The following GLIS3 variants were observed in gnomAD, a reference collection of about 807,000 sequenced individuals.
GLIS3 encodes GLIS family zinc finger 3, also known as zinc finger protein GLIS3.
A neutral mutation model predicts 78.6 loss-of-function variants in GLIS3; 53 were observed. That is an observed-to-expected ratio of 0.67 (90% CI 0.54 to 0.85). The LOEUF (loss-of-function observed/expected upper bound fraction) is 0.85, where lower values mean the gene tolerates loss of function less well. Ranked by LOEUF, GLIS3 falls within the 40% of genes least tolerant of loss-of-function variation. The pLI is 0.00. For synonymous variants in GLIS3, 684 were observed against 509.9 expected (o/e 1.34, Z -4.60); for missense variants, 1,703 against 1,231.1 (o/e 1.38, Z -5.74).
chr9:4,310,058 C>T (rs965752425), intron 3 of GLIS3, among the ~76,000 whole-genome samples: 2 of 152,194 alleles, frequency 1.3e-5, no homozygotes, highest in Non-Finnish European at 2.9e-5. Flanking sequence ...CCTGAGGATG[C>T]CAAACCATCA....
intron 2 of GLIS3, among the ~76,000 whole-genome samples, chr9:4,186,957 C>G (rs564445988): frequency 6.6e-6 from 1 of 152,304 alleles, no homozygotes; most frequent in Non-Finnish European, 1.5e-5. Context: ...CCTGTTCACT[C>G]TGACGGTAGT....
At chr9:3,853,742 G>C (rs1203139898) in intron 9 of GLIS3, among the ~76,000 whole-genome samples, 1 of 152,068 alleles carries the variant, frequency 6.6e-6, no homozygotes, top group Non-Finnish European at 1.5e-5. Context: ...TTTCTTTAGA[G>C]AAAAAAGAAG....
At chr9:4,190,415 T>G (rs1055033177) in intron 2 of GLIS3, among the ~76,000 whole-genome samples, 3 of 150,436 alleles carry the variant, frequency 2.0e-5, no homozygotes, top group Non-Finnish European at 3.0e-5. Flanking sequence ...TGCGATCAAC[T>G]GGAAGAAAGG....
At chr9:4,048,554 T>C (rs906686424) in intron 4 of GLIS3, among the ~76,000 whole-genome samples, 5 of 152,228 alleles carry the variant, frequency 3.3e-5, no homozygotes, top group Admixed American at 3.3e-4. Context: ...AACTGTGTGC[T>C]TATTTTTAAA....
the GLIS3 span, among the ~76,000 whole-genome samples, chr9:4,456,086 C>A: frequency 6.6e-6 from 1 of 151,626 alleles, no homozygotes; most frequent in Non-Finnish European, 1.5e-5. Flanking sequence ...CCAGCCTGGG[C>A]GACAGAGTGA....
At chr9:4,479,051 AT>A in the GLIS3 span, among the ~76,000 whole-genome samples, 6 of 152,122 alleles carry the variant, frequency 3.9e-5, no homozygotes, top group African/African-American at 1.4e-4. Context: ...AAGTACCTTT[AT>A]TTTTTTAAAT....
intron 9 of GLIS3, among the ~76,000 whole-genome samples, chr9:3,846,152 C>G (rs943371946): frequency 3.9e-5 from 6 of 152,190 alleles, no homozygotes; most frequent in African/African-American, 1.4e-4. Flanking sequence ...CACAGCACCT[C>G]TACTGACAGC....
chr9:4,484,375 C>A, the GLIS3 span, among the ~76,000 whole-genome samples: 1 of 143,718 alleles, frequency 7.0e-6, no homozygotes, highest in Non-Finnish European at 1.5e-5. Context: ...GTAGCTGGGA[C>A]CACAGGTGTG....
rs138088970 is a variant in GLIS3, at chr9:4,080,871, C to T, written c.1710+36897G>A. The stretch of plus-strand genomic sequence containing the variant: ...CCTTCCGTTGGATCATCTTGACCCC[C>T]GGGCGTACATCGTACAACCTTCACA... On this transcript the variant is annotated intron_variant, in intron 4 of 10. Coordinates refer to ENST00000381971, the MANE Select transcript of GLIS3 (RefSeq NM_001042413.2). Among the ~76,000 whole-genome samples, 1,348 of 152,290 alleles carry T rather than the reference C, an allele frequency of 8.9e-3. 16 individuals are homozygous for T. Among genetic ancestry groups the T allele is most frequent in the Non-Finnish European group, 0.015 (1,047 of 68,030 alleles).
chr9:4,094,943 G>A (rs1262227735), intron 4 of GLIS3, among the ~76,000 whole-genome samples: 1 of 152,046 alleles, frequency 6.6e-6, no homozygotes, highest in Non-Finnish European at 1.5e-5. Flanking sequence ...AGCACATAGT[G>A]ATGTTTCAAT....
the GLIS3 span, among the ~76,000 whole-genome samples, chr9:4,397,102 T>C: frequency 4.3e-5 from 6 of 141,066 alleles, no homozygotes; most frequent in East Asian, 1.0e-3. Flanking sequence ...CTTGGCTCAC[T>C]GCAAGCTCCA....
chr9:4,358,891 G>A, the GLIS3 span, among the ~76,000 whole-genome samples: 2 of 152,148 alleles, frequency 1.3e-5, no homozygotes, highest in African/African-American at 4.8e-5. Context: ...GGCTACCACT[G>A]CTGCTGCCTC....
intron 3 of GLIS3, among the ~76,000 whole-genome samples, chr9:4,124,448 G>C (rs1448531000): frequency 1.3e-5 from 2 of 152,138 alleles, no homozygotes; most frequent in Admixed American, 6.5e-5. Flanking sequence ...GGCATGGGCT[G>C]GACTTGCCAC....
chr9:3,979,030 A>G (rs1472453474), intron 4 of GLIS3, among the ~76,000 whole-genome samples: 1 of 152,162 alleles, frequency 6.6e-6, no homozygotes, highest in African/African-American at 2.4e-5. Flanking sequence ...TATATCACAC[A>G]TTTGGGCACC....
At chr9:4,471,920 A>G in the GLIS3 span, among the ~76,000 whole-genome samples, 1 of 152,238 alleles carries the variant, frequency 6.6e-6, no homozygotes, top group Non-Finnish European at 1.5e-5. Flanking sequence ...GAAAAAAACA[A>G]ACAACCCCAT....
the GLIS3 span, among the ~76,000 whole-genome samples, chr9:4,489,997 G>A: frequency 2.0e-5 from 3 of 152,184 alleles, no homozygotes; most frequent in Non-Finnish European, 1.5e-5. Context: ...GCGGCTGCTG[G>A]CACATCCCAG....
intron 4 of GLIS3, among the ~76,000 whole-genome samples, chr9:4,015,622 T>C (rs1822367247): frequency 6.6e-6 from 1 of 152,146 alleles, no homozygotes; most frequent in Admixed American, 6.5e-5. Flanking sequence ...GTGTGGTGGC[T>C]CACGCCCGTA....
intron 4 of GLIS3, among the ~76,000 whole-genome samples, chr9:3,973,861 AT>A (rs1267046066): frequency 6.6e-6 from 1 of 152,134 alleles, no homozygotes; most frequent in African/African-American, 2.4e-5. Context: ...TCGACATCTT[AT>A]TTTTGTAAAA....
intron 3 of GLIS3, among the ~76,000 whole-genome samples, chr9:4,121,413 T>A (rs1001479887): frequency 1.3e-5 from 2 of 152,206 alleles, no homozygotes; most frequent in African/African-American, 4.8e-5. Context: ...GAATGTAAGA[T>A]ACATACTAAG....
Sources: gnomAD v4.1 joint callset for allele counts (sites outside exome capture counted in the v4.1 genomes callset) on GRCh38, gnomAD v4.1.1 for gene constraint, MANE v1.5 for transcripts, NCBI Gene and HGNC (gene_info 2026-07-23, HGNC 2026-07-21) for gene names.